IL20RA: variants seen among roughly 807,000 people sequenced by gnomAD.
IL20RA encodes interleukin 20 receptor subunit alpha.
Under a neutral mutation model 36.5 loss-of-function variants are expected in IL20RA, and 29 were observed. The ratio of observed to expected loss-of-function variants is 0.79; its 90% CI spans 0.59 to 1.08. The LOEUF (loss-of-function observed/expected upper bound fraction) is 1.08, where lower values mean the gene tolerates loss of function less well. IL20RA is among the 50% of genes least tolerant of loss of function. The probability of loss-of-function intolerance (pLI) is 0.00; values close to 1 mark genes in which losing one functional copy is unlikely to be tolerated. For synonymous variants in IL20RA, 279 were observed against 267.1 expected (o/e 1.04, Z -0.43); for missense variants, 652 against 668.4 (o/e 0.98, Z 0.27).
At chr6:137,009,948 G>A (rs1775427857) in intron 3 of IL20RA, among the ~76,000 whole-genome samples, 1 of 152,090 alleles carries the variant, frequency 6.6e-6, no homozygotes, top group African/African-American at 2.4e-5. Flanking sequence ...ATGTACTAAG[G>A]TGGGCCTGAG....
At chr6:137,039,578 G>A (rs1264166461) in intron 1 of IL20RA, among the ~76,000 whole-genome samples, 1 of 152,058 alleles carries the variant, frequency 6.6e-6, no homozygotes, top group African/African-American at 2.4e-5. Flanking sequence ...AGAAATTCAG[G>A]AAAAATAAAC....
chr6:137,002,216 T>TC lies in IL20RA; in HGVS notation c.1003dup (p.Asp335GlyfsTer6). On this transcript the variant is annotated frameshift_variant, in exon 7 of 7. Coordinates refer to ENST00000316649, the MANE Select transcript of IL20RA (RefSeq NM_014432.4). LOFTEE classifies it low-confidence loss of function (END_TRUNC). The stretch of plus-strand genomic sequence containing the variant: ...CTGAGGATCATTAAGGCTGGATACA[T>TC]CACTGCTTTTTCCCAGTAAACTCAT... 1 of 1,614,156 alleles carries TC rather than the reference T, an allele frequency of 6.2e-7. No individual in the cohort carries two copies. Among genetic ancestry groups the TC allele is most frequent in the Non-Finnish European group, 8.5e-7 (1 of 1,180,024 alleles).
chr6:137,032,172 T>C (rs1776318901), intron 1 of IL20RA, among the ~76,000 whole-genome samples: 1 of 150,224 alleles, frequency 6.7e-6, no homozygotes, highest in South Asian at 2.1e-4. Context: ...GTTGCATAGG[T>C]GGTAATGTGG....
rs753730327 is a variant in IL20RA at position 137,001,765 on chromosome 6, T to C, written c.1455A>G (p.Gln485=). 5.0e-6 allele frequency: 8 copies of C among 1,612,224 alleles called. No individual in the cohort carries two copies. The highest frequency in any genetic ancestry group is 6.8e-6 in the Non-Finnish European group (8 of 1,178,600). ...GCGAAGGAATACACAGCCTGCCAGT[T>C]TGGGGATCCCAGTCGACCAGGGTCG... is the stretch of plus-strand genomic sequence containing the variant. The part of the protein sequence containing the change: ...PSTTLVDWDP[Q]TGRLCIPSLS... The change falls in exon 7 of 7, where the codon CAA becomes CAG. Residue 485 remains glutamine, a synonymous_variant. Transcript: ENST00000316649.
At chr6:137,025,721 T>C (rs772961055) in intron 1 of IL20RA, among the ~76,000 whole-genome samples, 20 of 152,242 alleles carry the variant, frequency 1.3e-4, no homozygotes, top group Non-Finnish European at 7.3e-5. Context: ...TCTGTAAGTA[T>C]AGCAAAATGG....
rs148518676 is a variant in IL20RA at position 137,017,088 on chromosome 6, C to A, written c.104G>T (p.Gly35Val). The A allele has an allele frequency of 3.3e-4, 525 of 1,613,070 alleles. 4 individuals carry two copies. In the African/African-American group the frequency reaches 6.3e-3, roughly 19 times the overall value. ...PWGRAVPCVS[G>V]GLPKPANITF... ...GATGTTTGCAGGTTTAGGCAAACCA[C>A]CAGAGACACAGGGAACTGAAAAAGG... The change falls in exon 2 of 7, where the codon GGT becomes GTT. Residue 35 changes from glycine (G) to valine (V), a missense_variant. Gly to Val is a moderately radical substitution (Grantham distance 109). Transcript: ENST00000316649.
chr6:137,044,666 G>A lies in IL20RA; in HGVS notation c.63C>T (p.Leu21=). Residue 21 remains leucine (L), a synonymous_variant, in exon 1 of 7, where the codon CTC becomes CTT. Coordinates refer to ENST00000316649, the MANE Select transcript of IL20RA (RefSeq NM_014432.4). Reference sequence around the variant, plus strand: ...CTGCCCGTCCCCAAGGCGCCGCCAGGAGCAACAGCAGCAGCGGCGGCAGCG... The same window carrying A: ...CTGCCCGTCCCCAAGGCGCCGCCAGAAGCAACAGCAGCAGCGGCGGCAGCG... ...PLPLPPLLLL[L]LAAPWGRAVP... 8.2e-7 allele frequency: 1 copy of A among 1,224,630 alleles called. No homozygotes were observed. 75.9% of individuals were successfully genotyped at this position (1,224,630 alleles called of 1,614,324 possible).
chr6:137,018,113 A>T (rs912427525), intron 1 of IL20RA, among the ~76,000 whole-genome samples: 2 of 152,198 alleles, frequency 1.3e-5, no homozygotes, highest in African/African-American at 4.8e-5. Context: ...ATAAAATATT[A>T]ATACTGCCAA....
intron 1 of IL20RA, among the ~76,000 whole-genome samples, chr6:137,029,238 T>C (rs1776191726): frequency 6.6e-6 from 1 of 152,234 alleles, no homozygotes. Context: ...CCAGGCATGG[T>C]GGCTTGCACC....
chr6:137,038,540 T>C (rs1425504603), intron 1 of IL20RA, among the ~76,000 whole-genome samples: 1 of 152,160 alleles, frequency 6.6e-6, no homozygotes, highest in Admixed American at 6.5e-5. Context: ...TTGGAATTGA[T>C]TAAAGTGATT....
rs969033645 is a variant in IL20RA, at chr6:137,044,632, C to A, written c.88+9G>T. ...CCCCGACCCGCACCTGGCGGCGCGA[C>A]CCACCTACCTGCCCGTCCCCAAGGC... On this transcript the variant is annotated intron_variant, in intron 1 of 6. Transcript: ENST00000316649. The A allele has an allele frequency of 1.6e-6, 2 of 1,222,198 alleles. No homozygotes were observed. Among genetic ancestry groups the A allele is most frequent in the Non-Finnish European group, 2.0e-6 (2 of 981,312 alleles). The allele number at this position is 1,222,198 out of a possible 1,614,324, so 75.7% of individuals were successfully genotyped here. A position where few individuals can be genotyped will look rare whatever the true frequency, so the allele number is the denominator to read the frequency against.
chr6:137,028,675 A>G (rs969170738), intron 1 of IL20RA, among the ~76,000 whole-genome samples: 1 of 152,196 alleles, frequency 6.6e-6, no homozygotes, highest in African/African-American at 2.4e-5. Flanking sequence ...AGACTTTAAC[A>G]TACAGACTAT....
At chr6:137,043,493 T>G (rs276514) in intron 1 of IL20RA, among the ~76,000 whole-genome samples, 73,084 of 152,062 alleles carry the variant, frequency 0.48, 20,008 homozygotes, top group African/African-American at 0.75. Context: ...TCCCATTCAG[T>G]CTACCCGGGA....
intron 1 of IL20RA, among the ~76,000 whole-genome samples, chr6:137,022,461 C>G (rs2115397011): frequency 6.6e-6 from 1 of 152,196 alleles, no homozygotes; most frequent in Admixed American, 6.5e-5. Flanking sequence ...TTCACCTTGG[C>G]CTTGGACTTT....
Position 137,002,183 on chromosome 6 carries a change from C to T in IL20RA, c.1037G>A (p.Gly346Glu). The change falls in exon 7 of 7, where the codon GGG becomes GAG. Residue 346 changes from glycine to glutamate, a missense_variant. Physicochemically the swap from Gly to Glu is moderately conservative, Grantham distance 98. Transcript: ENST00000316649. The part of the protein sequence containing the change: ...VSSLNDPQPS[G>E]NLRPPQEEEE... ...TTCCTCCTGAGGGGGCCTCAGGTTCCCGCTGGGCTGAGGATCATTAAGGCT... is the reference window on the plus strand; with the variant it reads ...TTCCTCCTGAGGGGGCCTCAGGTTCTCGCTGGGCTGAGGATCATTAAGGCT... 1 of 1,614,108 alleles carries T rather than the reference C, an allele frequency of 6.2e-7. No individual in the cohort carries two copies.
At chr6:137,030,070 G>GTTTTTTTTTTTTTTTT (rs1188809232) in intron 1 of IL20RA, among the ~76,000 whole-genome samples, 3 of 62,804 alleles carry the variant, frequency 4.8e-5, no homozygotes, top group African/African-American at 6.5e-5. Flanking sequence ...CGGTTTGCGG[G>GTTTTTTTTTTTTTTTT]TTTTTTTTTT....
intron 1 of IL20RA, among the ~76,000 whole-genome samples, chr6:137,019,152 A>C (rs1775814091): frequency 6.7e-6 from 1 of 150,150 alleles, no homozygotes; most frequent in African/African-American, 2.4e-5. Flanking sequence ...TTTGAGACAG[A>C]GTCTCACTCT....
chr6:137,023,092 C>T (rs1181290201), intron 1 of IL20RA, among the ~76,000 whole-genome samples: 1 of 152,128 alleles, frequency 6.6e-6, no homozygotes, highest in Non-Finnish European at 1.5e-5. Flanking sequence ...TAAGTTCCTG[C>T]CCTTGCAGAG....
intron 1 of IL20RA, among the ~76,000 whole-genome samples, chr6:137,018,515 T>TGC (rs921308568): frequency 6.6e-5 from 9 of 136,366 alleles, no homozygotes; most frequent in African/African-American, 2.4e-4. Context: ...GCCGTGTGCG[T>TGC]GTGTGTGTGT....
Sources: gnomAD v4.1 joint callset for allele counts (sites outside exome capture counted in the v4.1 genomes callset) on GRCh38, gnomAD v4.1.1 for gene constraint, MANE v1.5 for transcripts, NCBI Gene and HGNC (gene_info 2026-07-23, HGNC 2026-07-21) for gene names.